Variants in CNTN5 observed in about 807,000 individuals in gnomAD.
CNTN5 encodes the protein contactin 5, also known as contactin-5.
Under a neutral mutation model 129.1 loss-of-function variants are expected in CNTN5, and 77 were observed. The observed-to-expected ratio is 0.60, with a 90% CI of 0.50 to 0.72. The LOEUF is 0.72. Ranked by LOEUF, CNTN5 falls within the 30% of genes least tolerant of loss-of-function variation. CNTN5 has a pLI of 0.00. For synonymous variants in CNTN5, 509 were observed against 465.6 expected (o/e 1.09, Z -1.20); for missense variants, 1,478 against 1,328.8 (o/e 1.11, Z -1.75).
rs116481115 is a variant in CNTN5, at chr11:100,345,958, C to T, written c.3031-4744C>T. Among the ~76,000 whole-genome samples, 820 of 152,190 alleles carry T rather than the reference C, an allele frequency of 5.4e-3. 7 individuals carry two copies. Among genetic ancestry groups the T allele is most frequent in the African/African-American group, 0.018 (762 of 41,558 alleles). On this transcript the variant is annotated intron_variant, in intron 23 of 24. Coordinates refer to ENST00000524871, the MANE Select transcript of CNTN5 (RefSeq NM_014361.4). The stretch of plus-strand genomic sequence containing the variant: ...ATAATTTCCACTCAAAATAACTTTC[C>T]ATTTGAGAAGCTGAATCCAATTTGG...
chr11:100,128,917 CT>C (rs1424978598), intron 13 of CNTN5, among the ~76,000 whole-genome samples: 1 of 152,074 alleles, frequency 6.6e-6, no homozygotes, highest in Non-Finnish European at 1.5e-5. Context: ...TGTATCCCCC[CT>C]CCCATCATGC....
At chr11:99,154,953 C>A (rs1234696781) in intron 1 of CNTN5, among the ~76,000 whole-genome samples, 1 of 152,204 alleles carries the variant, frequency 6.6e-6, no homozygotes, top group Non-Finnish European at 1.5e-5. Flanking sequence ...GACGGTCCTG[C>A]TCCACGTCCA....
intron 9 of CNTN5, among the ~76,000 whole-genome samples, chr11:100,032,100 C>A (rs180714823): frequency 6.6e-6 from 1 of 152,288 alleles, no homozygotes; most frequent in Non-Finnish European, 1.5e-5. Context: ...CTCTATTCAA[C>A]TTGAAACAAT....
chr11:100,230,017 T>G (rs1210565155), intron 16 of CNTN5, among the ~76,000 whole-genome samples: 1 of 152,230 alleles, frequency 6.6e-6, no homozygotes, highest in Non-Finnish European at 1.5e-5. Context: ...GTTTTGCTAA[T>G]ATGCTGGTAT....
chr11:100,174,107 G>T (rs2138420959), intron 13 of CNTN5, among the ~76,000 whole-genome samples: 1 of 152,168 alleles, frequency 6.6e-6, no homozygotes, highest in African/African-American at 2.4e-5. Context: ...TAGAAAAATG[G>T]ATTTGACAGC....
At chr11:99,169,231 T>C (rs4754589) in intron 1 of CNTN5, among the ~76,000 whole-genome samples, 65,493 of 151,944 alleles carry the variant, frequency 0.43, 14,971 homozygotes, top group East Asian at 0.8. Context: ...TTAATAGTTA[T>C]GGCAGGCTTC....
chr11:99,854,873 T>C (rs1171975248), intron 6 of CNTN5, among the ~76,000 whole-genome samples: 1 of 152,028 alleles, frequency 6.6e-6, no homozygotes, highest in Non-Finnish European at 1.5e-5. Flanking sequence ...TATGTGTTTC[T>C]CTCACAGAGA....
At chr11:99,274,311 T>G (rs1863321207) in intron 1 of CNTN5, among the ~76,000 whole-genome samples, 1 of 151,766 alleles carries the variant, frequency 6.6e-6, no homozygotes, top group African/African-American at 2.4e-5. Context: ...AGGCTAAATT[T>G]TTTTGACTTG....
intron 6 of CNTN5, among the ~76,000 whole-genome samples, chr11:99,908,404 AG>A (rs1413316239): frequency 3.3e-5 from 5 of 152,060 alleles, no homozygotes; most frequent in Non-Finnish European, 7.4e-5. Flanking sequence ...ATGGATTTGT[AG>A]TACTCAAACT....
chr11:99,810,083 G>A (rs1160232898), intron 3 of CNTN5, among the ~76,000 whole-genome samples: 1 of 151,824 alleles, frequency 6.6e-6, no homozygotes, highest in Non-Finnish European at 1.5e-5. Context: ...AACACTATAG[G>A]TTTTTAAAAA....
chr11:99,512,666 T>C (rs76019889), intron 2 of CNTN5, among the ~76,000 whole-genome samples: 42 of 152,286 alleles, frequency 2.8e-4, no homozygotes, highest in Non-Finnish European at 6.0e-4. Context: ...ATTATTATTA[T>C]GCCTGTTACG....
intron 9 of CNTN5, among the ~76,000 whole-genome samples, chr11:100,024,442 C>G (rs1180068342): frequency 1.3e-5 from 2 of 151,972 alleles, no homozygotes; most frequent in African/African-American, 4.8e-5. Context: ...GAGTGGGGCA[C>G]TGCTATAATG....
At chr11:99,849,238 G>C (rs1297901677) in intron 6 of CNTN5, among the ~76,000 whole-genome samples, 3 of 151,230 alleles carry the variant, frequency 2.0e-5, no homozygotes, top group Admixed American at 2.0e-4. Flanking sequence ...AAAATGTAAA[G>C]ATATATCATC....
chr11:99,218,183 A>G (rs982320871), intron 1 of CNTN5, among the ~76,000 whole-genome samples: 4 of 152,050 alleles, frequency 2.6e-5, no homozygotes, highest in Admixed American at 6.6e-5. Context: ...TCGTAGTTCT[A>G]TTTATAATAC....
At chr11:99,281,326 AC>A (rs1329056850) in intron 1 of CNTN5, among the ~76,000 whole-genome samples, 3 of 152,010 alleles carry the variant, frequency 2.0e-5, no homozygotes, top group African/African-American at 4.8e-5. Flanking sequence ...TCATATAAAT[AC>A]CATGAAACAA....
intron 2 of CNTN5, among the ~76,000 whole-genome samples, chr11:99,398,630 G>GT (rs1279874020): frequency 6.6e-6 from 1 of 151,806 alleles, no homozygotes; most frequent in African/African-American, 2.4e-5. Context: ...CAGAATGGCT[G>GT]TATTTCATAT....
chr11:99,066,324 A>T (rs924419699), intron 1 of CNTN5, among the ~76,000 whole-genome samples: 2 of 151,976 alleles, frequency 1.3e-5, no homozygotes, highest in Non-Finnish European at 2.9e-5. Context: ...GGGTGGTCTC[A>T]AACTCCTGAG....
chr11:99,332,918 C>T (rs1169427890), intron 2 of CNTN5, among the ~76,000 whole-genome samples: 4 of 152,032 alleles, frequency 2.6e-5, no homozygotes, highest in African/African-American at 4.8e-5. Flanking sequence ...ATTCACTTAG[C>T]GCAACCGTAT....
intron 17 of CNTN5, among the ~76,000 whole-genome samples, chr11:100,265,001 T>C (rs1019820836): frequency 6.6e-6 from 1 of 152,152 alleles, no homozygotes; most frequent in African/African-American, 2.4e-5. Flanking sequence ...GTGGGGTTTT[T>C]TTATATGTTT....
Sources: gnomAD v4.1 joint callset for allele counts (sites outside exome capture counted in the v4.1 genomes callset) on GRCh38, gnomAD v4.1.1 for gene constraint, MANE v1.5 for transcripts, NCBI Gene and HGNC (gene_info 2026-07-23, HGNC 2026-07-21) for gene names.